The following EFR3B variants were observed in gnomAD, a reference collection of about 807,000 sequenced individuals.
EFR3B encodes protein EFR3 homolog B.
EFR3B carries 64 observed loss-of-function variants against 104.7 expected under a neutral mutation model. The ratio of observed to expected loss-of-function variants is 0.61; its 90% CI spans 0.50 to 0.75. The LOEUF (loss-of-function observed/expected upper bound fraction) is 0.75. EFR3B is among the 30% of genes least tolerant of loss of function. EFR3B has a pLI of 0.00. For missense variants in EFR3B, 750 were observed against 1,078.5 expected, an observed-to-expected ratio of 0.70 and a Z score of 4.27; for synonymous variants, 385 against 417.9, an observed-to-expected ratio of 0.92 and a Z score of 0.96.
At position 25,136,073 on chromosome 2, in the gene EFR3B, T is replaced by G. The variant is rs1670508049; in HGVS notation, c.1484+434T>G. On this transcript the variant is annotated intron_variant, in intron 13 of 22. Transcript: ENST00000403714. This position sits in a 1 kb window ranked among gnomAD's most constrained non-coding sequence, Gnocchi z 4.0. ...GGCTCGTGCCTGTAATCTCACACTT[T>G]GAGAGGCCAAGGTGGGATGATCACT... is the stretch of plus-strand genomic sequence containing the variant. Among the ~76,000 whole-genome samples, 1 of 151,998 alleles carries G rather than the reference T, an allele frequency of 6.6e-6. No individual in the cohort carries two copies. The highest frequency in any genetic ancestry group is 2.4e-5 in the African/African-American group (1 of 41,392).
chr2:25,061,349 G>C (rs1668188623), intron 1 of EFR3B, among the ~76,000 whole-genome samples: 2 of 152,008 alleles, frequency 1.3e-5, no homozygotes, highest in South Asian at 4.2e-4. Flanking sequence ...CTGAGCTCAA[G>C]TGATCCCCCT....
chr2:25,107,239 G>C (rs1669590067), intron 4 of EFR3B, among the ~76,000 whole-genome samples: 2 of 152,126 alleles, frequency 1.3e-5, no homozygotes. Context: ...CCCAAGACCA[G>C]ACTTAGTCTA....
intron 4 of EFR3B, chr2:25,116,252 A>C (rs1669855640): frequency 6.6e-6 from 1 of 152,192 alleles, no homozygotes; most frequent in African/African-American, 2.4e-5. Context: ...AGTTCCTGTT[A>C]CTCCAGGAGC....
rs531667109 is a variant in EFR3B, at chr2:25,046,506, C to CTTTTTTTTTTTTTTT, written c.7+4189_7+4203dup. Reference sequence around the variant, plus strand: ...GCAGGCTCCCCCTGAAGTACAAAGTCTTTTTTTTTTTTTTTTGAGACGGAG... The same window carrying CTTTTTTTTTTTTTTT: ...GCAGGCTCCCCCTGAAGTACAAAGTCTTTTTTTTTTTTTTTTTTTTTTTTTTTTTTTGAGACGGAG... On this transcript the variant is annotated intron_variant, in intron 1 of 22. Transcript: ENST00000403714. Among the ~76,000 whole-genome samples the CTTTTTTTTTTTTTTT allele has an allele frequency of 8.5e-4, 101 of 119,100 alleles. 1 individual carries two copies. The highest frequency in any genetic ancestry group is 2.3e-3 in the African/African-American group (83 of 35,510). The allele number at this position is 119,100 out of a possible 152,430, so 78.1% of individuals were successfully genotyped here.
chr2:25,049,242 A>G (rs556004901), intron 1 of EFR3B, among the ~76,000 whole-genome samples: 2 of 152,322 alleles, frequency 1.3e-5, no homozygotes, highest in African/African-American at 2.4e-5. Context: ...ATTCTTTATT[A>G]TTAGTGAAAC....
intron 1 of EFR3B, among the ~76,000 whole-genome samples, chr2:25,054,746 A>G (rs1057066847): frequency 2.6e-5 from 4 of 152,172 alleles, no homozygotes; most frequent in African/African-American, 9.7e-5. Flanking sequence ...TCTGGTTAGT[A>G]AGAACGTAGA....
At chr2:25,073,241 G>A (rs1668544120) in intron 1 of EFR3B, among the ~76,000 whole-genome samples, 1 of 152,166 alleles carries the variant, frequency 6.6e-6, no homozygotes, top group South Asian at 2.1e-4. Flanking sequence ...ACCCACAGAG[G>A]GCGTGGCACA....
chr2:25,059,052 C>T (rs1385036035), intron 1 of EFR3B, among the ~76,000 whole-genome samples: 4 of 151,850 alleles, frequency 2.6e-5, no homozygotes, highest in Non-Finnish European at 5.9e-5. Context: ...AAGTGTCCAT[C>T]GACAGACAAA....
At chr2:25,095,578 C>T (rs1473841542) in intron 3 of EFR3B, among the ~76,000 whole-genome samples, 2 of 152,044 alleles carry the variant, frequency 1.3e-5, no homozygotes, top group African/African-American at 4.8e-5. Context: ...CACCTATAGT[C>T]CCAGCTACTC....
At chr2:25,045,572 A>G (rs1245110286) in intron 1 of EFR3B, among the ~76,000 whole-genome samples, 1 of 152,142 alleles carries the variant, frequency 6.6e-6, no homozygotes, top group Non-Finnish European at 1.5e-5. Flanking sequence ...ACCTGAGGTC[A>G]GGAGGTCAAG....
chr2:25,064,462 A>T (rs1376656797), intron 1 of EFR3B, among the ~76,000 whole-genome samples: 4 of 152,216 alleles, frequency 2.6e-5, no homozygotes, highest in Non-Finnish European at 5.9e-5. Context: ...CTGCCTGCTG[A>T]CCACAATAGG....
chr2:25,137,766 T>C lies in EFR3B; in HGVS notation c.1722+264T>C, dbSNP rs1403534455. Among the ~76,000 whole-genome samples the C allele has an allele frequency of 6.6e-6, 1 of 152,112 alleles. No homozygotes were observed. The highest frequency in any genetic ancestry group is 2.4e-5 in the African/African-American group (1 of 41,420). On this transcript the variant is annotated intron_variant, in intron 15 of 22. Coordinates refer to ENST00000403714, the MANE Select transcript of EFR3B (RefSeq NM_014971.2). This position sits in a 1 kb window ranked among gnomAD's most constrained non-coding sequence, Gnocchi z 4.7. ...AACCGGGTCGTTCAGAAACATCCCT[T>C]AGCTACTACATGTCAAGTCTCTCGC...
intron 6 of EFR3B, among the ~76,000 whole-genome samples, chr2:25,129,191 C>A (rs1670255252): frequency 6.6e-6 from 1 of 151,756 alleles, no homozygotes; most frequent in East Asian, 1.9e-4. Context: ...TGTCCCTGCA[C>A]CCTCATTTTT....
intron 4 of EFR3B, among the ~76,000 whole-genome samples, chr2:25,119,413 A>G (rs1336783666): frequency 6.6e-6 from 1 of 152,184 alleles, no homozygotes; most frequent in East Asian, 1.9e-4. Flanking sequence ...AAGGGCAGTG[A>G]TGCACCCAAA....
intron 1 of EFR3B, among the ~76,000 whole-genome samples, chr2:25,047,907 T>TA (rs965141140): frequency 6.6e-6 from 1 of 152,182 alleles, no homozygotes; most frequent in Non-Finnish European, 1.5e-5. Context: ...AGGAAAAATA[T>TA]AAAAAATCAT....
chr2:25,100,261 G>A (rs1162353689), intron 3 of EFR3B, among the ~76,000 whole-genome samples: 1 of 152,090 alleles, frequency 6.6e-6, no homozygotes, highest in Non-Finnish European at 1.5e-5. Context: ...ATATGATTTA[G>A]GTCAAGACAT....
At chr2:25,077,143 G>C (rs1162276288) in intron 1 of EFR3B, among the ~76,000 whole-genome samples, 1 of 152,212 alleles carries the variant, frequency 6.6e-6, no homozygotes, top group Non-Finnish European at 1.5e-5. Context: ...ACCAGGCTCT[G>C]CCTGAATGAT....
chr2:25,079,708 C>A (rs954664072), intron 1 of EFR3B, among the ~76,000 whole-genome samples: 4 of 152,116 alleles, frequency 2.6e-5, no homozygotes, highest in Non-Finnish European at 4.4e-5. Context: ...AAATTAGTTA[C>A]CTGCATTATA....
chr2:25,127,898 C>T (rs1417299169), intron 5 of EFR3B, among the ~76,000 whole-genome samples: 1 of 152,162 alleles, frequency 6.6e-6, no homozygotes, highest in Non-Finnish European at 1.5e-5. Flanking sequence ...CAGCTAAGTA[C>T]TAAAGATGGG....
Sources: allele counts gnomAD v4.1 joint callset (sites outside exome capture counted in the v4.1 genomes callset), GRCh38; gene constraint gnomAD v4.1.1; non-coding constraint Gnocchi (gnomAD v3.1); transcripts MANE v1.5; gene names NCBI Gene and HGNC (gene_info 2026-07-23, HGNC 2026-07-21).